The following TRIM13 variants were observed in gnomAD, a reference collection of about 807,000 sequenced individuals.
TRIM13 encodes E3 ubiquitin-protein ligase TRIM13.
TRIM13 carries 15 observed loss-of-function variants against 27.1 expected under a neutral mutation model. The ratio of observed to expected loss-of-function variants is 0.55; its 90% CI spans 0.37 to 0.85. The LOEUF (loss-of-function observed/expected upper bound fraction) is 0.85. TRIM13 is among the 40% of genes least tolerant of loss of function. The probability of loss-of-function intolerance (pLI) is 0.00; values close to 1 mark genes in which losing one functional copy is unlikely to be tolerated. For synonymous variants in TRIM13, 193 were observed against 171.5 expected, an observed-to-expected ratio of 1.13 and a Z score of -0.98; for missense variants, 402 against 472.2, an observed-to-expected ratio of 0.85 and a Z score of 1.38.
At chr13:50,006,333 T>G (rs932721432) in intron 1 of TRIM13, among the ~76,000 whole-genome samples, 2 of 152,142 alleles carry the variant, frequency 1.3e-5, no homozygotes, top group Admixed American at 6.5e-5. Context: ...TCTTCATAGT[T>G]TCTCTTTGCC....
At chr13:50,008,426 G>A (rs1875094811) in intron 1 of TRIM13, among the ~76,000 whole-genome samples, 2 of 152,022 alleles carry the variant, frequency 1.3e-5, no homozygotes, top group Non-Finnish European at 2.9e-5. Flanking sequence ...AGTGCTTTGC[G>A]AGGCTGAGGC....
At position 50,017,591 on chromosome 13, in the gene TRIM13, G is replaced by C. The variant is rs1270257936; in HGVS notation, c.*4427G>C. 2 of 166,856 alleles carry C rather than the reference G, an allele frequency of 1.2e-5. No homozygotes were observed. The highest frequency in any genetic ancestry group is 4.8e-5 in the African/African-American group (2 of 41,426). 10.3% of individuals were successfully genotyped at this position (166,856 alleles called of 1,614,324 possible). A position where few individuals can be genotyped will look rare whatever the true frequency, so the allele number is the denominator to read the frequency against. On this transcript the variant is annotated 3_prime_UTR_variant, in exon 2 of 2. Coordinates refer to ENST00000378182, the MANE Select transcript of TRIM13 (RefSeq NM_213590.3). Reference sequence around the variant, plus strand: ...TTAGCATTTTCTTGCATCACCAAATGGTATTCAATTGTTTGAAGCTCAAAA... The same window carrying C: ...TTAGCATTTTCTTGCATCACCAAATCGTATTCAATTGTTTGAAGCTCAAAA...
chr13:50,010,491 C>T (rs1471487975), intron 1 of TRIM13, among the ~76,000 whole-genome samples: 2 of 152,192 alleles, frequency 1.3e-5, no homozygotes, highest in Non-Finnish European at 2.9e-5. Context: ...TGATTTGTAA[C>T]ATGCATTAGT....
chr13:50,007,781 T>TTAA (rs747633510), intron 1 of TRIM13, among the ~76,000 whole-genome samples: 14 of 35,720 alleles, frequency 3.9e-4, no homozygotes, highest in African/African-American at 1.1e-3. Context: ...AGACTTAGTC[T>TTAA]CAAAAAAAAA....
At chr13:50,005,581 A>G (rs888730706) in intron 1 of TRIM13, among the ~76,000 whole-genome samples, 1 of 151,632 alleles carries the variant, frequency 6.6e-6, no homozygotes, top group African/African-American at 2.4e-5. Flanking sequence ...AGACTAAGGC[A>G]GGAGAATCAC....
At position 50,017,596 on chromosome 13, in the gene TRIM13, T is replaced by G. The variant is rs1042651508; in HGVS notation, c.*4432T>G. 2.4e-5 allele frequency: 4 copies of G among 166,990 alleles called. No individual in the cohort carries two copies. The highest frequency in any genetic ancestry group is 5.9e-5 in the Non-Finnish European group (4 of 68,094). 10.3% of individuals were successfully genotyped at this position (166,990 alleles called of 1,614,324 possible). On this transcript the variant is annotated 3_prime_UTR_variant, in exon 2 of 2. Coordinates refer to ENST00000378182, the MANE Select transcript of TRIM13 (RefSeq NM_213590.3). ...ATTTTCTTGCATCACCAAATGGTAT[T>G]CAATTGTTTGAAGCTCAAAATTTTT...
rs745621155 is a variant in TRIM13, at chr13:50,012,277, A to G, written c.337A>G (p.Ile113Val). ...TTTCTGCCTGACTGATATGCAGCTG[A>G]TTTGTGGGATCTGTGCTACTCGTGG... Reference protein sequence around the residue: ...NIFCLTDMQLICGICATRGEH... With the variant: ...NIFCLTDMQLVCGICATRGEH... The change falls in exon 2 of 2, where the codon ATT (isoleucine) becomes GTT (valine). Residue 113 changes from isoleucine to valine, a missense_variant. Ile to Val is a conservative substitution (Grantham distance 29). Coordinates refer to ENST00000378182, the MANE Select transcript of TRIM13 (RefSeq NM_213590.3). 1.9e-6 allele frequency: 3 copies of G among 1,614,142 alleles called. No individual in the cohort carries two copies. The South Asian group carries it at 3.3e-5, about 18-fold the overall frequency.
rs774720782 is a variant in TRIM13 at position 50,016,197 on chromosome 13, C to T, written c.*3033C>T. 1 of 708,696 alleles carries T rather than the reference C, an allele frequency of 1.4e-6. No individual in the cohort carries two copies. Among genetic ancestry groups the T allele is most frequent in the Non-Finnish European group, 2.4e-6 (1 of 423,976 alleles). 43.9% of individuals were successfully genotyped at this position (708,696 alleles called of 1,614,324 possible). A position where few individuals can be genotyped will look rare whatever the true frequency, so the allele number is the denominator to read the frequency against. ...ATTCAAAATAATGTTTTGGGGTAAC[C>T]AGTGGAGTTGGGTAGAATGACCAAA... On this transcript the variant is annotated 3_prime_UTR_variant, in exon 2 of 2. Transcript: ENST00000378182.
At position 50,014,384 on chromosome 13, in the gene TRIM13, CACAT is replaced by C. The variant is rs1425015008; in HGVS notation, c.*1226_*1229del. The stretch of plus-strand genomic sequence containing the variant: ...ATACACACACACACACACATATGTA[CACAT>C]ACATATATATACATATATATGTATA... On this transcript the variant is annotated 3_prime_UTR_variant, in exon 2 of 2. Coordinates refer to ENST00000378182, the MANE Select transcript of TRIM13 (RefSeq NM_213590.3). The C allele has an allele frequency of 8.6e-5, 11 of 127,528 alleles. No individual in the cohort carries two copies. The highest frequency in any genetic ancestry group is 3.1e-4 in the South Asian group (1 of 3,268). The allele number at this position is 127,528 out of a possible 1,614,324, so 7.9% of individuals were successfully genotyped here.
rs1247962247 is a variant in TRIM13, at chr13:50,015,592, C to T, written c.*2428C>T. On this transcript the variant is annotated 3_prime_UTR_variant, in exon 2 of 2. Transcript: ENST00000378182. Reference sequence around the variant, plus strand: ...AGTTTCCTGCTTCTCGTTTGGCACGCATGTTAGATGGCAGAGACCAAGAAT... The same window carrying T: ...AGTTTCCTGCTTCTCGTTTGGCACGTATGTTAGATGGCAGAGACCAAGAAT... 4 of 1,613,946 alleles carry T rather than the reference C, an allele frequency of 2.5e-6. No individual in the cohort carries two copies. The highest frequency in any genetic ancestry group is 3.4e-6 in the Non-Finnish European group (4 of 1,179,954).
chr13:50,010,202 C>A (rs1442221147), intron 1 of TRIM13, among the ~76,000 whole-genome samples: 6 of 151,952 alleles, frequency 3.9e-5, no homozygotes, highest in Non-Finnish European at 8.8e-5. Context: ...GCGCATGCCA[C>A]CATGGCTGGC....
chr13:50,012,970 C>T lies in TRIM13; in HGVS notation c.1030C>T (p.Leu344=), dbSNP rs765819954. 2 of 1,613,740 alleles carry T rather than the reference C, an allele frequency of 1.2e-6. No homozygotes were observed. Among genetic ancestry groups the T allele is most frequent in the Admixed American group, 1.7e-5 (1 of 59,984 alleles). ...MFLEWSLFDD[L]ATWKGCLSNF... is the part of the protein sequence containing the mutation. The stretch of plus-strand genomic sequence containing the variant: ...CCTAGAATGGTCATTATTTGATGAC[C>T]TGGCAACTTGGAAAGGCTGTCTTTC... Residue 344 remains leucine (L), a synonymous_variant, in exon 2 of 2, where the codon CTG becomes TTG. Coordinates refer to ENST00000378182, the MANE Select transcript of TRIM13 (RefSeq NM_213590.3).
chr13:49,998,331 A>C (rs1320428036), intron 1 of TRIM13, among the ~76,000 whole-genome samples: 1 of 152,092 alleles, frequency 6.6e-6, no homozygotes, highest in Non-Finnish European at 1.5e-5. Flanking sequence ...CTATACATTT[A>C]TGATAGGTTA....
intron 1 of TRIM13, among the ~76,000 whole-genome samples, chr13:50,005,747 T>G (rs1400604568): frequency 6.6e-6 from 1 of 151,066 alleles, no homozygotes; most frequent in Admixed American, 6.6e-5. Context: ...TTAGTTTTTT[T>G]TTTTTTTTTG....
intron 1 of TRIM13, among the ~76,000 whole-genome samples, chr13:50,006,129 A>T (rs898129944): frequency 1.4e-5 from 2 of 144,686 alleles, no homozygotes; most frequent in Non-Finnish European, 3.0e-5. Context: ...TTTTGATGCA[A>T]TTTTTTTGAA....
At chr13:50,009,753 A>C (rs928356916) in intron 1 of TRIM13, among the ~76,000 whole-genome samples, 24 of 138,210 alleles carry the variant, frequency 1.7e-4, no homozygotes, top group Admixed American at 3.7e-4. Flanking sequence ...AAAAAAAAAA[A>C]AAAAACAACA....
Position 50,015,495 on chromosome 13 carries a change from T to C in TRIM13, c.*2331T>C. 6.2e-7 allele frequency: 1 copy of C among 1,602,358 alleles called. No homozygotes were observed. Among genetic ancestry groups the C allele is most frequent in the Non-Finnish European group, 8.5e-7 (1 of 1,173,218 alleles). On this transcript the variant is annotated 3_prime_UTR_variant, in exon 2 of 2. Transcript: ENST00000378182. ...CCTCTAGTTTGAAGTGAGGGAAGAA[T>C]GAGTAGTCAGGAACTGGTCACTTTG...
chr13:50,016,082 C>CT lies in TRIM13; in HGVS notation c.*2921dup. On this transcript the variant is annotated 3_prime_UTR_variant, in exon 2 of 2. Coordinates refer to ENST00000378182, the MANE Select transcript of TRIM13 (RefSeq NM_213590.3). Reference sequence around the variant, plus strand: ...CCAAACTGGAGTCAGGTATTTTGTACTTTGCAGTATTTCTCTTGTATACCA... The same window carrying CT: ...CCAAACTGGAGTCAGGTATTTTGTACTTTTGCAGTATTTCTCTTGTATACCA... 6.3e-7 allele frequency: 1 copy of CT among 1,599,558 alleles called. No individual in the cohort carries two copies. Among genetic ancestry groups the CT allele is most frequent in the East Asian group, 2.2e-5 (1 of 44,782 alleles).
chr13:50,009,753 A>G (rs928356916), intron 1 of TRIM13, among the ~76,000 whole-genome samples: 1 of 138,116 alleles, frequency 7.2e-6, no homozygotes, highest in African/African-American at 2.7e-5. Flanking sequence ...AAAAAAAAAA[A>G]AAAAACAACA....
Sources: allele counts gnomAD v4.1 joint callset (sites outside exome capture counted in the v4.1 genomes callset), GRCh38; gene constraint gnomAD v4.1.1; transcripts MANE v1.5; gene names NCBI Gene and HGNC (gene_info 2026-07-23, HGNC 2026-07-21).